CEP83: variants seen among roughly 807,000 people sequenced by gnomAD.
The protein encoded by CEP83 is centrosomal protein of 83 kDa.
A neutral mutation model predicts 101.9 loss-of-function variants in CEP83; 70 were observed. That is an observed-to-expected ratio of 0.69 (90% CI 0.57 to 0.84). The LOEUF (loss-of-function observed/expected upper bound fraction) is 0.84, where lower values mean the gene tolerates loss of function less well. Ranked by LOEUF, CEP83 falls within the 40% of genes least tolerant of loss-of-function variation. The pLI is 0.00. For missense variants in CEP83, 715 were observed against 787.2 expected (o/e 0.91, Z 1.10); for synonymous variants, 264 against 267.9 (o/e 0.99, Z 0.14).
intron 6 of CEP83, among the ~76,000 whole-genome samples, chr12:94,391,358 T>C (rs1374400871): frequency 6.6e-6 from 1 of 152,188 alleles, no homozygotes; most frequent in Non-Finnish European, 1.5e-5. Context: ...CCATCCAGAA[T>C]TTCATATCCA....
chr12:94,366,677 C>A (rs901935063), intron 11 of CEP83, among the ~76,000 whole-genome samples: 1 of 152,108 alleles, frequency 6.6e-6, no homozygotes, highest in African/African-American at 2.4e-5. Context: ...ACTGGGAGGA[C>A]CTAGAAGCAA....
At chr12:94,301,550 T>C (rs1394584606), downstream of CEP83, among the ~76,000 whole-genome samples, 1 of 152,214 alleles carries the variant, frequency 6.6e-6, no homozygotes, top group East Asian at 1.9e-4. Flanking sequence ...TGCTGATCAA[T>C]AGTCCCAAGA....
intron 1 of CEP83, among the ~76,000 whole-genome samples, chr12:94,435,713 A>G (rs1163592335): frequency 2.0e-5 from 3 of 152,222 alleles, no homozygotes; most frequent in Non-Finnish European, 4.4e-5. Flanking sequence ...CTCCTAACAG[A>G]ACAACTCTGT....
chr12:94,364,173 A>AG (rs893787570), intron 11 of CEP83, among the ~76,000 whole-genome samples: 9 of 152,286 alleles, frequency 5.9e-5, no homozygotes, highest in African/African-American at 1.9e-4. Context: ...AGAACTCTGG[A>AG]GATAGATGGT....
chr12:94,343,774 T>C (rs2059811368), intron 11 of CEP83, among the ~76,000 whole-genome samples: 1 of 151,800 alleles, frequency 6.6e-6, no homozygotes, highest in East Asian at 1.9e-4. Flanking sequence ...ATTACAGGCG[T>C]GAGCCACCGC....
intron 2 of CEP83, among the ~76,000 whole-genome samples, chr12:94,432,423 G>C (rs560556861): frequency 1.3e-5 from 2 of 152,074 alleles, no homozygotes; most frequent in Non-Finnish European, 2.9e-5. Flanking sequence ...CTATGAGAAA[G>C]AATGAAATCA....
At chr12:94,458,008 G>A (rs111503420) in intron 1 of CEP83, among the ~76,000 whole-genome samples, 2,917 of 151,768 alleles carry the variant, frequency 0.019, 97 homozygotes, top group African/African-American at 0.063. Context: ...ACCAGCCTGG[G>A]CAATATGGTG....
At chr12:94,410,156 T>C (rs1241088027) in intron 4 of CEP83, among the ~76,000 whole-genome samples, 1 of 152,202 alleles carries the variant, frequency 6.6e-6, no homozygotes, top group Non-Finnish European at 1.5e-5. Context: ...TTTCACGTCA[T>C]TCATTCAACA....
chr12:94,406,965 C>T (rs1360966794), intron 4 of CEP83, among the ~76,000 whole-genome samples: 8 of 149,590 alleles, frequency 5.3e-5, no homozygotes, highest in Admixed American at 2.7e-4. Flanking sequence ...CTTCCAGAGA[C>T]GAAAACTACA....
chr12:94,305,273 C>G, downstream of CEP83: 2 of 1,605,766 alleles, frequency 1.2e-6, no homozygotes, highest in Non-Finnish European at 1.7e-6. Context: ...AGAAGAAATG[C>G]AAGTGGATGT....
At chr12:94,435,358 G>C (rs2065910873) in intron 1 of CEP83, 31 bp from the exon 2 acceptor site, 1 of 152,208 alleles carries the variant, frequency 6.6e-6, no homozygotes, top group Non-Finnish European at 1.5e-5. Flanking sequence ...AGAGGAATCT[G>C]AACAAACAGG....
chr12:94,442,376 AG>A (rs1469031786), intron 1 of CEP83, among the ~76,000 whole-genome samples: 1 of 145,664 alleles, frequency 6.9e-6, no homozygotes, highest in Non-Finnish European at 1.5e-5. Context: ...GGAAGGAGGG[AG>A]GGGGGTGAGG....
chr12:94,409,163 C>T (rs997617219), intron 4 of CEP83, among the ~76,000 whole-genome samples: 2 of 151,780 alleles, frequency 1.3e-5, no homozygotes, highest in African/African-American at 2.4e-5. Flanking sequence ...TTACAATTTG[C>T]GCAAATTGCA....
At chr12:94,281,866 G>T in the CEP83 span, 2 of 167,970 alleles carry the variant, frequency 1.2e-5, no homozygotes, top group Non-Finnish European at 2.6e-5. Flanking sequence ...TGGCCAGAGA[G>T]TCTGCCCACT....
At chr12:94,271,665 A>T in the CEP83 span, among the ~76,000 whole-genome samples, 1 of 152,162 alleles carries the variant, frequency 6.6e-6, no homozygotes, top group Non-Finnish European at 1.5e-5. Flanking sequence ...GCCCTCGCAT[A>T]TTTGTGGTGA....
chr12:94,336,080 AT>A (rs144500474), intron 11 of CEP83, among the ~76,000 whole-genome samples: 4,682 of 152,268 alleles, frequency 0.031, 227 homozygotes, highest in African/African-American at 0.1. Flanking sequence ...GTATTTTACA[AT>A]TTGCAAAATT....
downstream of CEP83, chr12:94,305,836 T>C (rs1219807969): frequency 6.6e-6 from 1 of 152,278 alleles, no homozygotes. Context: ...TGTGAGTGTG[T>C]GTGTGTGTTT....
chr12:94,358,040 G>A (rs913045262), intron 11 of CEP83, among the ~76,000 whole-genome samples: 3 of 152,324 alleles, frequency 2.0e-5, no homozygotes, highest in Non-Finnish European at 2.9e-5. Flanking sequence ...GTAGATACAG[G>A]AGCAGACATT....
chr12:94,403,096 A>G, intron 5 of CEP83, 74 bp downstream of exon 5: 1 of 777,688 alleles, frequency 1.3e-6, no homozygotes, highest in Non-Finnish European at 2.2e-6. Context: ...GTTTTGGGGT[A>G]GGGGAATGAT....
Sources: gnomAD v4.1 joint callset for allele counts (sites outside exome capture counted in the v4.1 genomes callset) on GRCh38, gnomAD v4.1.1 for gene constraint, MANE v1.5 for transcripts, NCBI Gene and HGNC (gene_info 2026-07-23, HGNC 2026-07-21) for gene names.